Variants in HECW2 observed in about 807,000 individuals in gnomAD.
HECW2 encodes HECT, C2 and WW domain containing E3 ubiquitin protein ligase 2.
A neutral mutation model predicts 175.2 loss-of-function variants in HECW2; 61 were observed. The ratio of observed to expected loss-of-function variants is 0.35; its 90% CI spans 0.28 to 0.43. The LOEUF is 0.43. Among genes scored for constraint, HECW2 ranks in the 20% least tolerant of loss-of-function variants. The probability of loss-of-function intolerance (pLI) is 1.00; values close to 1 mark genes in which losing one functional copy is unlikely to be tolerated. For missense variants in HECW2, 1,524 were observed against 2,000.5 expected (o/e 0.76, Z 4.54); for synonymous variants, 671 against 731.0 (o/e 0.92, Z 1.32).
At chr2:196,390,160 T>A (rs13390285) in intron 2 of HECW2, among the ~76,000 whole-genome samples, 1 of 152,012 alleles carries the variant, frequency 6.6e-6, no homozygotes, top group Admixed American at 6.6e-5. Context: ...GACCCTATTA[T>A]GATATCCATT....
chr2:196,295,285 G>A (rs1489762924), intron 13 of HECW2, among the ~76,000 whole-genome samples: 1 of 143,736 alleles, frequency 7.0e-6, no homozygotes, highest in Non-Finnish European at 1.6e-5. Context: ...CAGAAGTTGG[G>A]CAGTGTCAGA....
At chr2:196,312,381 G>A (rs1475137412) in intron 10 of HECW2, among the ~76,000 whole-genome samples, 2 of 152,160 alleles carry the variant, frequency 1.3e-5, no homozygotes, top group East Asian at 1.9e-4. Context: ...TCACCAAAAT[G>A]GCGAGATGAT....
At chr2:196,333,461 AC>A (rs1437500588) in intron 4 of HECW2, among the ~76,000 whole-genome samples, 1 of 152,184 alleles carries the variant, frequency 6.6e-6, no homozygotes, top group African/African-American at 2.4e-5. Flanking sequence ...CTGAATTTCA[AC>A]CTGACTACTT....
At chr2:196,366,477 G>C (rs1427528747) in intron 2 of HECW2, among the ~76,000 whole-genome samples, 1 of 152,128 alleles carries the variant, frequency 6.6e-6, no homozygotes, top group African/African-American at 2.4e-5. Context: ...ATGTTTAACA[G>C]ATCAATACCC....
At chr2:196,356,094 T>C (rs1310826326) in intron 2 of HECW2, among the ~76,000 whole-genome samples, 8 of 152,094 alleles carry the variant, frequency 5.3e-5, no homozygotes, top group Non-Finnish European at 1.2e-4. Flanking sequence ...GAAGAAGACA[T>C]GAGAGAAACA....
intron 10 of HECW2, among the ~76,000 whole-genome samples, chr2:196,314,640 A>G (rs1365169900): frequency 6.6e-6 from 1 of 152,226 alleles, no homozygotes; most frequent in East Asian, 1.9e-4. Context: ...TACAGACAAG[A>G]CCTGCTTCAC....
At chr2:196,567,871 G>A (rs1690238093) in intron 1 of HECW2, among the ~76,000 whole-genome samples, 1 of 151,936 alleles carries the variant, frequency 6.6e-6, no homozygotes, top group Admixed American at 6.6e-5. Context: ...CTCACATTTT[G>A]GAAATTAAGA....
rs1226517047 is a variant in HECW2, at chr2:196,253,913, G to T, written c.3529+7C>A. The T allele has an allele frequency of 1.2e-6, 2 of 1,612,122 alleles. No homozygotes were observed. Among genetic ancestry groups the T allele is most frequent in the Non-Finnish European group, 8.5e-7 (1 of 1,178,388 alleles). Reference sequence around the variant, plus strand: ...GAGAATTCACTGTGAGCAGCAGGTGGACTCACCTGGCGAGTTCTGAGGAGA... The same window carrying T: ...GAGAATTCACTGTGAGCAGCAGGTGTACTCACCTGGCGAGTTCTGAGGAGA... On this transcript the variant is annotated splice_region_variant and intron_variant, in intron 19 of 28. Transcript: ENST00000644978.
At position 196,217,032 on chromosome 2, in the gene HECW2, A is replaced by G; in HGVS notation, c.4470T>C (p.Asn1490=). The change falls in exon 27 of 29, where the codon AAT becomes AAC. Residue 1490 remains asparagine (N), a synonymous_variant. Transcript: ENST00000644978. ...CCTGTAACAACCTTAGTCGTTGTTC[A>G]TTGTTGAATCTTTCCACTGCAGCCC... ...WFWAAVERFN[N]EQRLRLLQFV... 6.5e-7 allele frequency: 1 copy of G among 1,541,334 alleles called. No homozygotes were observed. The highest frequency in any genetic ancestry group is 8.7e-7 in the Non-Finnish European group (1 of 1,152,686).
chr2:196,270,297 G>A (rs1022767829), intron 17 of HECW2, among the ~76,000 whole-genome samples: 1 of 152,158 alleles, frequency 6.6e-6, no homozygotes, highest in African/African-American at 2.4e-5. Flanking sequence ...GGTTTTAGTG[G>A]AAAAATCTTG....
At chr2:196,583,593 A>C (rs1473446553) in intron 1 of HECW2, among the ~76,000 whole-genome samples, 1 of 152,228 alleles carries the variant, frequency 6.6e-6, no homozygotes, top group African/African-American at 2.4e-5. Flanking sequence ...CGAAGGAAGA[A>C]AGTTCTGAGA....
intron 15 of HECW2, among the ~76,000 whole-genome samples, chr2:196,276,215 G>A (rs1689950459): frequency 6.6e-6 from 1 of 152,180 alleles, no homozygotes; most frequent in African/African-American, 2.4e-5. Context: ...GGATGTGCAT[G>A]CTTCCAACAG....
intron 13 of HECW2, among the ~76,000 whole-genome samples, chr2:196,293,847 CT>C (rs1319921514): frequency 6.6e-6 from 1 of 152,162 alleles, no homozygotes; most frequent in Non-Finnish European, 1.5e-5. Context: ...TGGAAAAATG[CT>C]TGCCATACAT....
chr2:196,549,029 A>G (rs1353222933), intron 1 of HECW2, among the ~76,000 whole-genome samples: 1 of 152,206 alleles, frequency 6.6e-6, no homozygotes, highest in African/African-American at 2.4e-5. Flanking sequence ...ACTTCAACAC[A>G]TGAACTTTGC....
At chr2:196,352,331 C>G (rs1693199255) in intron 2 of HECW2, among the ~76,000 whole-genome samples, 2 of 151,990 alleles carry the variant, frequency 1.3e-5, no homozygotes, top group Admixed American at 1.3e-4. Context: ...GAAATGGGCA[C>G]CAGCACATTA....
intron 1 of HECW2, among the ~76,000 whole-genome samples, chr2:196,547,268 G>GCCC (rs1169095150): frequency 6.6e-6 from 1 of 152,218 alleles, no homozygotes; most frequent in Non-Finnish European, 1.5e-5. Context: ...AGCATGTTCA[G>GCCC]AAGGCTGGAC....
chr2:196,267,159 T>G (rs1689549675), intron 17 of HECW2, among the ~76,000 whole-genome samples: 1 of 152,182 alleles, frequency 6.6e-6, no homozygotes. Flanking sequence ...GGGAACAGAT[T>G]TACTGGCTGG....
chr2:196,308,519 C>A (rs2105716086), intron 10 of HECW2, among the ~76,000 whole-genome samples: 1 of 152,302 alleles, frequency 6.6e-6, no homozygotes, highest in East Asian at 1.9e-4. Flanking sequence ...GAGACTTCCA[C>A]ACGCATATTC....
intron 1 of HECW2, among the ~76,000 whole-genome samples, chr2:196,544,733 T>A (rs1217804969): frequency 1.3e-5 from 2 of 152,188 alleles, no homozygotes; most frequent in African/African-American, 4.8e-5. Context: ...GTTGTGGCAA[T>A]TCCATCTTCC....
Sources: gnomAD v4.1 joint callset for allele counts (sites outside exome capture counted in the v4.1 genomes callset) on GRCh38, gnomAD v4.1.1 for gene constraint, MANE v1.5 for transcripts, NCBI Gene and HGNC (gene_info 2026-07-23, HGNC 2026-07-21) for gene names.